Variants in HFM1 observed in about 807,000 individuals in gnomAD.
HFM1 encodes the protein probable ATP-dependent DNA helicase HFM1.
HFM1 carries 169 observed loss-of-function variants against 192.1 expected under a neutral mutation model. That is an observed-to-expected ratio of 0.88 (90% CI 0.78 to 1.00). The LOEUF is 1.00. HFM1 is among the 50% of genes least tolerant of loss of function. HFM1 has a pLI of 0.00. For missense variants in HFM1, 1,661 were observed against 1,668.0 expected (o/e 1.00, Z 0.07); for synonymous variants, 525 against 537.8 (o/e 0.98, Z 0.33).
intron 13 of HFM1, among the ~76,000 whole-genome samples, chr1:91,367,380 C>A (rs282047): frequency 7.5e-4 from 114 of 152,200 alleles, no homozygotes; most frequent in African/African-American, 2.6e-3. Flanking sequence ...ACACCTCACA[C>A]AGCTGGGTAC....
At chr1:91,321,382 T>G (rs1230060318) in intron 23 of HFM1, among the ~76,000 whole-genome samples, 1 of 152,096 alleles carries the variant, frequency 6.6e-6, no homozygotes, top group Non-Finnish European at 1.5e-5. Flanking sequence ...AGGCAGAGGT[T>G]GCAGTGAGCG....
chr1:91,405,479 A>T (rs1664757392), upstream of HFM1, among the ~76,000 whole-genome samples: 2 of 152,218 alleles, frequency 1.3e-5, no homozygotes, highest in South Asian at 4.1e-4. Flanking sequence ...AGAGACATTT[A>T]TCTTTCCTTT....
chr1:91,387,314 C>G (rs1231583166), intron 4 of HFM1, among the ~76,000 whole-genome samples: 4 of 151,916 alleles, frequency 2.6e-5, no homozygotes, highest in Non-Finnish European at 5.9e-5. Context: ...ATCGAAGGAT[C>G]AAAAAGCGAC....
chr1:91,328,374 T>G lies in HFM1; in HGVS notation c.2336-3608A>C, dbSNP rs115788454. On this transcript the variant is annotated intron_variant, in intron 20 of 38. Transcript: ENST00000370425. ...CCAAAGGCCAGTCATCCCTCCTCTG[T>G]GTTGCCATGGGTATTCAAGGCCTGG... 5.5e-4 allele frequency: 861 copies of G among 1,569,934 alleles called. 3 individuals are homozygous for G. The African/African-American group carries it at 0.011, about 19-fold the overall frequency.
chr1:91,276,897 TCATA>T lies in HFM1; in HGVS notation c.3472+81_3472+84del. Reference sequence around the variant, plus strand: ...ATTATTAAGTTGCATAATATAAATATCATACATAATTAGGATGTCATTACTATCC... The same window carrying T: ...ATTATTAAGTTGCATAATATAAATATCATAATTAGGATGTCATTACTATCC... On this transcript the variant is annotated intron_variant, in intron 31 of 38. Coordinates refer to ENST00000370425, the MANE Select transcript of HFM1 (RefSeq NM_001017975.6). 3.5e-6 allele frequency: 3 copies of T among 863,018 alleles called. No individual in the cohort carries two copies. In the South Asian group the frequency reaches 5.2e-5, roughly 15 times the overall value. 53.5% of individuals were successfully genotyped at this position (863,018 alleles called of 1,614,324 possible). A position where few individuals can be genotyped will look rare whatever the true frequency, so the allele number is the denominator to read the frequency against.
Position 91,352,989 on chromosome 1 carries a change from T to A in HFM1, c.1831+62A>T, listed in dbSNP as rs886489647. The A allele has an allele frequency of 3.3e-5, 36 of 1,079,912 alleles. No homozygotes were observed. The African/African-American group carries it at 5.6e-4, about 17-fold the overall frequency. 66.9% of individuals were successfully genotyped at this position (1,079,912 alleles called of 1,614,324 possible). A position where few individuals can be genotyped will look rare whatever the true frequency, so the allele number is the denominator to read the frequency against. On this transcript the variant is annotated intron_variant, in intron 15 of 38. Coordinates refer to ENST00000370425, the MANE Select transcript of HFM1 (RefSeq NM_001017975.6). ...AGAACACTTGCGCTTTTTCCTTTTT[T>A]CCTCTTAAAAATAATTTTCCAAAAT...
At chr1:91,375,481 G>A (rs765377516) in intron 12 of HFM1, 35 bp from the exon 13 acceptor site, 17 of 1,609,374 alleles carry the variant, frequency 1.1e-5, no homozygotes, top group South Asian at 3.3e-5. Context: ...TATTAATCAT[G>A]TTAAAAACTG....
At chr1:91,304,432 C>T (rs1649305372) in intron 30 of HFM1, among the ~76,000 whole-genome samples, 1 of 142,564 alleles carries the variant, frequency 7.0e-6, no homozygotes, top group Non-Finnish European at 1.6e-5. Flanking sequence ...AAGATATACA[C>T]CTATGTTTTC....
chr1:91,330,727 T>C (rs937110091), intron 20 of HFM1, among the ~76,000 whole-genome samples: 3 of 152,202 alleles, frequency 2.0e-5, no homozygotes, highest in African/African-American at 7.2e-5. Context: ...CCAATATCTT[T>C]GATGAATATT....
chr1:91,314,938 C>T (rs541112433), intron 28 of HFM1, among the ~76,000 whole-genome samples: 12 of 152,208 alleles, frequency 7.9e-5, no homozygotes, highest in South Asian at 2.1e-4. Context: ...ACCTTGCATG[C>T]GACTTTTTGG....
intron 30 of HFM1, among the ~76,000 whole-genome samples, chr1:91,280,332 T>G (rs564366819): frequency 6.6e-6 from 1 of 152,282 alleles, no homozygotes; most frequent in South Asian, 2.1e-4. Flanking sequence ...TTGGGGAAAC[T>G]GAAAGGTCAA....
intron 6 of HFM1, among the ~76,000 whole-genome samples, chr1:91,382,678 C>A (rs553813263): frequency 6.6e-6 from 1 of 152,298 alleles, no homozygotes; most frequent in Non-Finnish European, 1.5e-5. Context: ...TTGTAACAAG[C>A]CCACGAGTGG....
intron 18 of HFM1, 147 bp downstream of exon 18, chr1:91,350,591 T>G (rs1656797490): frequency 3.3e-6 from 2 of 605,124 alleles, no homozygotes; most frequent in African/African-American, 3.8e-5. Flanking sequence ...TGTCTACTCT[T>G]GTCTCTAAAT....
intron 2 of HFM1, among the ~76,000 whole-genome samples, chr1:91,399,034 T>C (rs1203062990): frequency 6.6e-6 from 1 of 151,816 alleles, no homozygotes; most frequent in Non-Finnish European, 1.5e-5. Flanking sequence ...AGCTTGCCCC[T>C]GTGCCCTGCC....
chr1:91,378,375 T>TA (rs1459892194), intron 10 of HFM1, 28 bp downstream of exon 10: 16 of 1,511,350 alleles, frequency 1.1e-5, no homozygotes, highest in African/African-American at 1.4e-5. Flanking sequence ...CTTTTATGTT[T>TA]ATCTCTGAAA....
At chr1:91,329,087 T>C (rs1653394886) in intron 20 of HFM1, 1 of 1,609,734 alleles carries the variant, frequency 6.2e-7, no homozygotes, top group East Asian at 2.2e-5. Flanking sequence ...ACTGTAAGAG[T>C]ATCTGGAGTA....
At chr1:91,362,453 A>G (rs1395923656) in intron 13 of HFM1, among the ~76,000 whole-genome samples, 1 of 152,182 alleles carries the variant, frequency 6.6e-6, no homozygotes, top group Non-Finnish European at 1.5e-5. Context: ...ATTGCTACAA[A>G]AAGAATAAAA....
chr1:91,262,300 A>G lies in HFM1; in HGVS notation c.4179T>C (p.Asn1393=). ...TFSEKNPNSS[N]YKKVDFFIRN... The stretch of plus-strand genomic sequence containing the variant: ...TAATAAAAAAATCCACTTTTTTATA[A>G]TTTGAAGAATTTGGGTTTTTTTCAG... The change falls in exon 38 of 39, where the codon AAT becomes AAC. Residue 1393 remains asparagine, a synonymous_variant. Transcript: ENST00000370425. 6.7e-7 allele frequency: 1 copy of G among 1,496,888 alleles called. No homozygotes were observed. The highest frequency in any genetic ancestry group is 9.1e-7 in the Non-Finnish European group (1 of 1,096,860). The allele number at this position is 1,496,888 out of a possible 1,614,324, so 92.7% of individuals were successfully genotyped here.
chr1:91,383,047 C>T (rs1036018784), intron 6 of HFM1, among the ~76,000 whole-genome samples: 3 of 152,088 alleles, frequency 2.0e-5, no homozygotes, highest in East Asian at 1.9e-4. Flanking sequence ...TCACAAATAG[C>T]ATTCAGTCTT....
Sources: allele counts gnomAD v4.1 joint callset (sites outside exome capture counted in the v4.1 genomes callset), GRCh38; gene constraint gnomAD v4.1.1; transcripts MANE v1.5; gene names NCBI Gene and HGNC (gene_info 2026-07-23, HGNC 2026-07-21).